PYROXD1: variants seen among roughly 807,000 people sequenced by gnomAD.
The protein encoded by PYROXD1 is pyridine nucleotide-disulphide oxidoreductase domain 1.
PYROXD1 carries 42 observed loss-of-function variants against 62.0 expected under a neutral mutation model. The ratio of observed to expected loss-of-function variants is 0.68; its 90% confidence interval spans 0.53 to 0.88. The LOEUF (loss-of-function observed/expected upper bound fraction) is 0.88, where lower values mean the gene tolerates loss of function less well. Ranked by LOEUF, PYROXD1 falls within the 40% of genes least tolerant of loss-of-function variation. PYROXD1 has a pLI of 0.00. For missense variants in PYROXD1, 493 were observed against 604.8 expected (o/e 0.82, Z 1.94); for synonymous variants, 170 against 206.4 (o/e 0.82, Z 1.51).
chr12:21,464,740 ATTATAT>A (rs1407934929), intron 10 of PYROXD1, among the ~76,000 whole-genome samples: 3 of 140,548 alleles, frequency 2.1e-5, no homozygotes, highest in Non-Finnish European at 4.8e-5. Context: ...TTTTTTTATT[ATTATAT>A]TTAAGTTTTA....
chr12:21,456,527 T>C (rs1297943763), intron 7 of PYROXD1, among the ~76,000 whole-genome samples: 1 of 152,214 alleles, frequency 6.6e-6, no homozygotes, highest in Non-Finnish European at 1.5e-5. Flanking sequence ...GCACATAACG[T>C]TAATTTAAAG....
rs2137292691 is a variant in PYROXD1, at chr12:21,467,562, G to C, written c.1198G>C (p.Asp400His). ...TGCAGCGAGTTCAGGAGACTCTATT[G>C]ACATGGATTTCAGCTTTGAACTGTT... is the stretch of plus-strand genomic sequence containing the variant. The part of the protein sequence containing the change: ...MAAASSGDSI[D>H]MDFSFELFAH... Residue 400 changes from aspartate to histidine, a missense_variant, in exon 11 of 12, where the codon GAC becomes CAC. This residue lies in a region of PYROXD1 where 329 missense variants were observed against 446.6 expected (regional missense o/e 0.74). Coordinates refer to ENST00000240651, the MANE Select transcript of PYROXD1 (RefSeq NM_024854.5). 6 of 1,612,350 alleles carry C rather than the reference G, an allele frequency of 3.7e-6. No homozygotes were observed. The highest frequency in any genetic ancestry group is 5.1e-6 in the Non-Finnish European group (6 of 1,179,058).
intron 6 of PYROXD1, 82 bp from the exon 7 acceptor site, chr12:21,455,913 C>T (rs1942587370): frequency 5.1e-6 from 4 of 781,460 alleles, no homozygotes; most frequent in African/African-American, 1.8e-5. Context: ...TGAATCATTA[C>T]ATTGCCTAAA....
chr12:21,451,285 A>C (rs1164563342), intron 4 of PYROXD1, among the ~76,000 whole-genome samples: 1 of 151,312 alleles, frequency 6.6e-6, no homozygotes, highest in African/African-American at 2.4e-5. Flanking sequence ...GTACATGTGC[A>C]CCAAGTGCAG....
intron 6 of PYROXD1, among the ~76,000 whole-genome samples, chr12:21,455,558 A>G (rs1194350915): frequency 6.6e-6 from 1 of 151,490 alleles, no homozygotes; most frequent in African/African-American, 2.4e-5. Flanking sequence ...TTTTGGCAAT[A>G]CCTGAAGAAG....
intron 2 of PYROXD1, 69 bp from the exon 3 acceptor site, chr12:21,445,272 GTATTTT>G: frequency 7.2e-7 from 1 of 1,386,632 alleles, no homozygotes; most frequent in East Asian, 2.6e-5. Context: ...TAAAAGCAAA[GTATTTT>G]TATTATTTAA....
intron 3 of PYROXD1, among the ~76,000 whole-genome samples, chr12:21,449,211 A>G (rs73067973): frequency 0.02 from 3,053 of 152,254 alleles, 37 homozygotes; most frequent in Middle Eastern, 0.051. Context: ...AATTTCTTGA[A>G]GTTTTGTTTT....
At chr12:21,461,424 CAAA>C (rs1438071594) in intron 8 of PYROXD1, among the ~76,000 whole-genome samples, 2 of 152,038 alleles carry the variant, frequency 1.3e-5, no homozygotes, top group Non-Finnish European at 2.9e-5. Context: ...CAAAATAAGA[CAAA>C]AACCTAGAGC....
chr12:21,455,598 C>G (rs1565550192), intron 6 of PYROXD1, among the ~76,000 whole-genome samples: 1 of 151,364 alleles, frequency 6.6e-6, no homozygotes, highest in Non-Finnish European at 1.5e-5. Context: ...AGTTGAAAAA[C>G]TAATACAAAC....
chr12:21,440,254 T>A, intron 1 of PYROXD1, 114 bp from the exon 2 acceptor site: 1 of 608,190 alleles, frequency 1.6e-6, no homozygotes, highest in South Asian at 2.5e-5. Context: ...AGTGGGTTTT[T>A]AATTTTCTAG....
intron 7 of PYROXD1, among the ~76,000 whole-genome samples, chr12:21,458,650 C>T (rs929151651): frequency 6.6e-6 from 1 of 152,090 alleles, no homozygotes; most frequent in Non-Finnish European, 1.5e-5. Flanking sequence ...ACTGATTGCC[C>T]TGGTTTCAAT....
intron 3 of PYROXD1, among the ~76,000 whole-genome samples, chr12:21,447,053 C>A (rs1942403657): frequency 6.6e-6 from 1 of 152,154 alleles, no homozygotes; most frequent in African/African-American, 2.4e-5. Context: ...GACTCAATAA[C>A]CCTTTACATG....
rs545387804 is a variant in PYROXD1 at position 21,437,672 on chromosome 12, G to T, written c.-59G>T. The stretch of plus-strand genomic sequence containing the variant: ...CGCCTCGCGGCTGCTTCCTCTCCTG[G>T]AGTCCAGAGTCCCGTTGCTCCGCCG... On this transcript the variant is annotated 5_prime_UTR_variant, in exon 1 of 12. Transcript: ENST00000240651. 25 of 1,532,088 alleles carry T rather than the reference G, an allele frequency of 1.6e-5. No individual in the cohort carries two copies. In the South Asian group the frequency reaches 2.9e-4, roughly 18 times the overall value. 94.9% of individuals were successfully genotyped at this position (1,532,088 alleles called of 1,614,324 possible).
At chr12:21,445,580 A>G in intron 3 of PYROXD1, 114 bp downstream of exon 3, 4 of 1,038,916 alleles carry the variant, frequency 3.9e-6, no homozygotes, top group Non-Finnish European at 5.3e-6. Flanking sequence ...TTAACATGTA[A>G]AGTTTAGTGA....
At chr12:21,467,021 T>C (rs1033479761) in intron 10 of PYROXD1, among the ~76,000 whole-genome samples, 16 of 152,282 alleles carry the variant, frequency 1.1e-4, no homozygotes, top group African/African-American at 3.9e-4. Flanking sequence ...TTATGTTGTC[T>C]TGGTGAGGCA....
At position 21,437,822 on chromosome 12, in the gene PYROXD1, G is replaced by C. The variant is rs1030166741; in HGVS notation, c.84+8G>C. The C allele has an allele frequency of 6.2e-7, 1 of 1,610,362 alleles. No individual in the cohort carries two copies. The highest frequency in any genetic ancestry group is 1.3e-5 in the African/African-American group (1 of 75,036). Reference sequence around the variant, plus strand: ...GTCACTTGTGCGGAGCAGGTAGGGCGGTGCTCAGGCGGTTCCGCCTCTTTC... The same window carrying C: ...GTCACTTGTGCGGAGCAGGTAGGGCCGTGCTCAGGCGGTTCCGCCTCTTTC... On this transcript the variant is annotated splice_region_variant and intron_variant, in intron 1 of 11. Coordinates refer to ENST00000240651, the MANE Select transcript of PYROXD1 (RefSeq NM_024854.5).
chr12:21,468,462 C>A (rs751211733), intron 11 of PYROXD1, 44 bp from the exon 12 acceptor site: 26 of 1,552,710 alleles, frequency 1.7e-5, no homozygotes, highest in Non-Finnish European at 2.3e-5. Context: ...ATTACATTTT[C>A]TTTATGATAC....
chr12:21,468,202 A>G (rs1942839014), intron 11 of PYROXD1, among the ~76,000 whole-genome samples: 1 of 152,100 alleles, frequency 6.6e-6, no homozygotes, highest in Non-Finnish European at 1.5e-5. Flanking sequence ...TAATGTTCAT[A>G]TAGATTGGTA....
chr12:21,440,984 A>G (rs535061389), intron 2 of PYROXD1, among the ~76,000 whole-genome samples: 203 of 152,270 alleles, frequency 1.3e-3, no homozygotes, highest in African/African-American at 4.7e-3. Flanking sequence ...ATTTTAAGCC[A>G]TCTTTGCATC....
Sources: gnomAD v4.1 joint callset for allele counts (sites outside exome capture counted in the v4.1 genomes callset) on GRCh38, gnomAD v4.1.1 for gene constraint, gnomAD v4.1.1 regional missense constraint, MANE v1.5 for transcripts, NCBI Gene and HGNC (gene_info 2026-07-23, HGNC 2026-07-21) for gene names.